The following YIPF1 variants were observed in gnomAD, a reference collection of about 807,000 sequenced individuals.
The protein encoded by YIPF1 is protein YIPF1.
Under a neutral mutation model 37.0 loss-of-function variants are expected in YIPF1, and 22 were observed. The ratio of observed to expected loss-of-function variants is 0.59; its 90% confidence interval spans 0.42 to 0.85. The LOEUF is 0.85. YIPF1 is among the 40% of genes least tolerant of loss of function. The pLI is 0.00. For synonymous variants in YIPF1, 128 were observed against 131.9 expected, an observed-to-expected ratio of 0.97 and a Z score of 0.21; for missense variants, 355 against 373.1, an observed-to-expected ratio of 0.95 and a Z score of 0.40.
chr1:53,876,994 T>C (rs1464596300), intron 6 of YIPF1, among the ~76,000 whole-genome samples: 1 of 152,258 alleles, frequency 6.6e-6, no homozygotes, highest in African/African-American at 2.4e-5. Flanking sequence ...TTGGCACTTA[T>C]AAGGTATTCA....
chr1:53,876,192 T>C (rs1650330518), intron 6 of YIPF1, among the ~76,000 whole-genome samples: 1 of 152,226 alleles, frequency 6.6e-6, no homozygotes, highest in African/African-American at 2.4e-5. Context: ...TGGCAATTTT[T>C]TCCCCAGAGT....
At chr1:53,857,937 C>A (rs916786958) in intron 10 of YIPF1, among the ~76,000 whole-genome samples, 4 of 147,936 alleles carry the variant, frequency 2.7e-5, no homozygotes, top group African/African-American at 7.5e-5. Flanking sequence ...GCCAAGATTG[C>A]GCCACTGCAC....
At chr1:53,859,770 A>C (rs765151846) in intron 10 of YIPF1, among the ~76,000 whole-genome samples, 1 of 152,230 alleles carries the variant, frequency 6.6e-6, no homozygotes, top group Non-Finnish European at 1.5e-5. Flanking sequence ...TTCAGGGAGA[A>C]GAGAGTCCCC....
chr1:53,869,160 T>TCTCTCACA (rs911930860), intron 7 of YIPF1, among the ~76,000 whole-genome samples: 34 of 138,054 alleles, frequency 2.5e-4, no homozygotes, highest in African/African-American at 7.8e-4. Context: ...TCTCTCTCTC[T>TCTCTCACA]CACACACACA....
intron 3 of YIPF1, among the ~76,000 whole-genome samples, chr1:53,886,363 G>T (rs1450738300): frequency 6.6e-6 from 1 of 151,874 alleles, no homozygotes; most frequent in Non-Finnish European, 1.5e-5. Flanking sequence ...GTCCATCTCA[G>T]CTCCTTGAGC....
At chr1:53,884,233 T>TAAAAAAA (rs1344249326) in intron 3 of YIPF1, among the ~76,000 whole-genome samples, 1 of 29,210 alleles carries the variant, frequency 3.4e-5, no homozygotes, top group African/African-American at 2.1e-4. Context: ...AGACTTTGTC[T>TAAAAAAA]CAAAAAAAAA....
intron 7 of YIPF1, among the ~76,000 whole-genome samples, chr1:53,868,912 T>G (rs1274044629): frequency 6.6e-6 from 1 of 152,230 alleles, no homozygotes; most frequent in African/African-American, 2.4e-5. Flanking sequence ...GAGGTTAATA[T>G]GTACTGTTTA....
chr1:53,869,160 T>TCTCTCTCTCTCTCTCACA (rs911930860), intron 7 of YIPF1, among the ~76,000 whole-genome samples: 1 of 137,982 alleles, frequency 7.2e-6, no homozygotes, highest in African/African-American at 2.8e-5. Flanking sequence ...TCTCTCTCTC[T>TCTCTCTCTCTCTCTCACA]CACACACACA....
intron 9 of YIPF1, among the ~76,000 whole-genome samples, chr1:53,864,007 G>T (rs1649953471): frequency 1.3e-5 from 2 of 152,200 alleles, no homozygotes. Flanking sequence ...CTCCCAAAGT[G>T]CTGGGATTAT....
Position 53,878,727 on chromosome 1 carries a change from C to G in YIPF1, c.196-5G>C, listed in dbSNP as rs1650402644. The G allele has an allele frequency of 1.3e-6, 2 of 1,590,264 alleles. No homozygotes were observed. The highest frequency in any genetic ancestry group is 1.7e-6 in the Non-Finnish European group (2 of 1,174,814). ...TTTCTTCTGTCCAGCAAGTAACTGT[C>G]AGAAATAAAATAAAACATAATGAAC... On this transcript the variant is annotated splice_polypyrimidine_tract_variant and splice_region_variant and intron_variant, in intron 4 of 10. Coordinates refer to ENST00000072644, the MANE Select transcript of YIPF1 (RefSeq NM_018982.5).
chr1:53,854,780 A>G (rs1404882251), intron 10 of YIPF1, among the ~76,000 whole-genome samples: 1 of 152,154 alleles, frequency 6.6e-6, no homozygotes, highest in Non-Finnish European at 1.5e-5. Flanking sequence ...CCTGCCACAT[A>G]AATCCAGGAA....
At position 53,876,023 on chromosome 1, in the gene YIPF1, T is replaced by TG. The variant is rs1345494335; in HGVS notation, c.364+2291_364+2292insC. Among the ~76,000 whole-genome samples the TG allele has an allele frequency of 9.8e-5, 15 of 152,348 alleles. No individual in the cohort carries two copies. In the East Asian group the frequency reaches 2.9e-3, roughly 29 times the overall value. On this transcript the variant is annotated intron_variant, in intron 6 of 10. Transcript: ENST00000072644. ...TATGTTTTCACTGCTGTATCTCCAG[T>TG]ACAATAGCAAGAGCTCAATGTTTGT...
rs187920603 is a variant in YIPF1 at position 53,851,811 on chromosome 1, C to T, written c.*468G>A. ...TACCAAAGACAAATTTTCAAGCTCC[C>T]GGTTAATCCCCACCAAAGTTTCTAC... On this transcript the variant is annotated 3_prime_UTR_variant, in exon 11 of 11. Transcript: ENST00000072644. The T allele has an allele frequency of 6.6e-6, 1 of 152,194 alleles. No individual in the cohort carries two copies. Among genetic ancestry groups the T allele is most frequent in the African/African-American group, 2.4e-5 (1 of 41,434 alleles). 9.4% of individuals were successfully genotyped at this position (152,194 alleles called of 1,614,324 possible). A position where few individuals can be genotyped will look rare whatever the true frequency, so the allele number is the denominator to read the frequency against.
chr1:53,866,057 C>A, intron 9 of YIPF1, 143 bp downstream of exon 9: 1 of 1,075,986 alleles, frequency 9.3e-7, no homozygotes, highest in Non-Finnish European at 1.3e-6. Flanking sequence ...ACTTGGGCCT[C>A]CCAAAGTATT....
intron 4 of YIPF1, among the ~76,000 whole-genome samples, chr1:53,881,259 AAAG>A (rs144560681): frequency 0.097 from 13,946 of 144,284 alleles, 636 homozygotes; most frequent in Middle Eastern, 0.19. Context: ...AAAAAAAAAA[AAAG>A]AAAAAGAAAG....
chr1:53,865,842 G>A lies in YIPF1; in HGVS notation c.831+358C>T, dbSNP rs1650005319. On this transcript the variant is annotated intron_variant, in intron 9 of 10. Transcript: ENST00000072644. ...CGGTCACCCAGGCCGGAGTACAGTG[G>A]TATGATCTCAGCTCATTGCAACCTC... 2.0e-5 allele frequency among the ~76,000 whole-genome samples: 3 copies of A among 152,012 alleles called. No homozygotes were observed. In the South Asian group the frequency reaches 6.2e-4, roughly 32 times the overall value.
chr1:53,869,156 T>TCACACACACA (rs1389115434), intron 7 of YIPF1, among the ~76,000 whole-genome samples: 1 of 125,650 alleles, frequency 8.0e-6, no homozygotes, highest in Non-Finnish European at 1.6e-5. Context: ...TCTCTCTCTC[T>TCACACACACA]CTCTCACACA....
At chr1:53,876,866 C>T (rs1168056101) in intron 6 of YIPF1, among the ~76,000 whole-genome samples, 1 of 152,188 alleles carries the variant, frequency 6.6e-6, no homozygotes, top group Non-Finnish European at 1.5e-5. Flanking sequence ...ATTGCTAACT[C>T]TGTAACTACG....
intron 6 of YIPF1, among the ~76,000 whole-genome samples, chr1:53,875,543 C>T (rs1188626118): frequency 1.3e-5 from 2 of 152,192 alleles, no homozygotes; most frequent in African/African-American, 4.8e-5. Flanking sequence ...TGTTACTCGT[C>T]TGTCCAAACT....
Sources: allele counts gnomAD v4.1 joint callset (sites outside exome capture counted in the v4.1 genomes callset), GRCh38; gene constraint gnomAD v4.1.1; transcripts MANE v1.5; gene names NCBI Gene and HGNC (gene_info 2026-07-23, HGNC 2026-07-21).